IL1RAPL1: variants seen among roughly 807,000 people sequenced by gnomAD.
IL1RAPL1 encodes the protein interleukin 1 receptor accessory protein like 1, also known as interleukin-1 receptor accessory protein-like 1.
IL1RAPL1 carries 3 observed loss-of-function variants against 48.4 expected under a neutral mutation model. That is an observed-to-expected ratio of 0.06 (90% CI 0.03 to 0.16). The LOEUF is 0.16. IL1RAPL1 is among the 10% of genes least tolerant of loss of function. IL1RAPL1 has a pLI of 1.00. For missense variants in IL1RAPL1, 349 were observed against 530.6 expected (o/e 0.66, Z 3.36); for synonymous variants, 185 against 187.7 (o/e 0.99, Z 0.12).
At chrX:29,886,050 G>C (rs937529187) in intron 6 of IL1RAPL1, among the ~76,000 whole-genome samples, 3 of 111,880 alleles carry the variant, frequency 2.7e-5, no homozygotes, top group African/African-American at 6.5e-5. Context: ...TTTTAGAGAA[G>C]TAATAGTTCC....
At chrX:29,285,524 CAAAAAAAAAAAAAA>C (rs778913919) in intron 3 of IL1RAPL1, among the ~76,000 whole-genome samples, 31 of 11,568 alleles carry the variant, frequency 2.7e-3, no homozygotes, top group Non-Finnish European at 3.6e-3. Flanking sequence ...AACTCCGTCT[CAAAAAAAAAAAAAA>C]AAAAAAAAAA....
At chrX:29,545,879 GT>G (rs1462945729) in intron 5 of IL1RAPL1, among the ~76,000 whole-genome samples, 1 of 111,899 alleles carries the variant, frequency 8.9e-6, no homozygotes, top group Non-Finnish European at 1.9e-5. Flanking sequence ...CTATCTTAAT[GT>G]TACTTACAGG....
rs754086386 is a variant in IL1RAPL1 at position 28,937,098 on chromosome X, T to C, written c.82+147673T>C. 7.2e-5 allele frequency among the ~76,000 whole-genome samples: 8 copies of C among 111,567 alleles called. No homozygotes were observed. In the East Asian group the frequency reaches 2.3e-3, roughly 32 times the overall value. Reference sequence around the variant, plus strand: ...ATATTGAAGATTGCCAGTTTACCTTTTTATTCATTTATTGTCATGTCACTT... The same window carrying C: ...ATATTGAAGATTGCCAGTTTACCTTCTTATTCATTTATTGTCATGTCACTT... On this transcript the variant is annotated intron_variant, in intron 2 of 10. Coordinates refer to ENST00000378993, the MANE Select transcript of IL1RAPL1 (RefSeq NM_014271.4).
At chrX:29,628,766 C>A (rs1448597492) in intron 5 of IL1RAPL1, among the ~76,000 whole-genome samples, 3 of 111,552 alleles carry the variant, frequency 2.7e-5, no homozygotes, top group Non-Finnish European at 5.7e-5. Context: ...TTATCAAGTC[C>A]GAAGAAGGAA....
chrX:28,836,768 T>TCAC (rs953416618), intron 2 of IL1RAPL1, among the ~76,000 whole-genome samples: 14 of 109,809 alleles, frequency 1.3e-4, no homozygotes, highest in Admixed American at 2.0e-4. Flanking sequence ...GTCATCATCA[T>TCAC]CACCACCACC....
chrX:29,022,325 T>C (rs750032368), intron 2 of IL1RAPL1, among the ~76,000 whole-genome samples: 7 of 111,837 alleles, frequency 6.3e-5, no homozygotes, highest in Admixed American at 1.9e-4. Flanking sequence ...CACTTTTGCC[T>C]GGATACATTT....
intron 5 of IL1RAPL1, among the ~76,000 whole-genome samples, chrX:29,550,440 A>C (rs974095491): frequency 4.5e-5 from 5 of 111,474 alleles, no homozygotes; most frequent in Non-Finnish European, 9.4e-5. Flanking sequence ...CGGCCTCCCA[A>C]AGTGCTAGGA....
intron 5 of IL1RAPL1, among the ~76,000 whole-genome samples, chrX:29,532,959 G>T (rs974529879): frequency 8.9e-6 from 1 of 111,990 alleles, no homozygotes; most frequent in Non-Finnish European, 1.9e-5. Context: ...AAGCCACTCT[G>T]TTGAACATCT....
At chrX:29,456,697 A>G (rs1934742928) in intron 5 of IL1RAPL1, among the ~76,000 whole-genome samples, 1 of 111,650 alleles carries the variant, frequency 9.0e-6, no homozygotes, top group Non-Finnish European at 1.9e-5. Flanking sequence ...AATACCACCC[A>G]CTTTTTATTG....
chrX:29,659,719 G>A (rs1343917225), intron 5 of IL1RAPL1, among the ~76,000 whole-genome samples: 2 of 111,444 alleles, frequency 1.8e-5, no homozygotes, highest in Admixed American at 1.9e-4. Context: ...CCGCCTTCCG[G>A]GTTCAAGCGA....
rs750628803 is a variant in IL1RAPL1, at chrX:29,543,113, G to A, written c.704-125317G>A. Among the ~76,000 whole-genome samples, 11 of 62,511 alleles carry A rather than the reference G, an allele frequency of 1.8e-4. No individual in the cohort carries two copies. The South Asian group carries it at 0.01, about 58-fold the overall frequency. The allele number at this position is 62,511 out of a possible 115,157, so 54.3% of individuals were successfully genotyped here. On this transcript the variant is annotated intron_variant, in intron 5 of 10. Transcript: ENST00000378993. ...TTTGTTTGACCATAGCAATCTGTTCGTTTCTCTCTCTCTCTCTCTCTCTCT... is the reference window on the plus strand; with the variant it reads ...TTTGTTTGACCATAGCAATCTGTTCATTTCTCTCTCTCTCTCTCTCTCTCT...
intron 5 of IL1RAPL1, among the ~76,000 whole-genome samples, chrX:29,480,586 T>C (rs1395771327): frequency 9.0e-6 from 1 of 110,806 alleles, no homozygotes; most frequent in Non-Finnish European, 1.9e-5. Context: ...AATGAAAGTT[T>C]CAAACTTTTC....
chrX:29,898,726 A>AAT (rs1932437369), intron 6 of IL1RAPL1, among the ~76,000 whole-genome samples: 1 of 112,338 alleles, frequency 8.9e-6, no homozygotes, highest in African/African-American at 3.2e-5. Flanking sequence ...TATGCAATGA[A>AAT]ATATATAAAG....
chrX:28,975,172 C>T (rs1464937451), intron 2 of IL1RAPL1, among the ~76,000 whole-genome samples: 5 of 111,887 alleles, frequency 4.5e-5, no homozygotes, highest in African/African-American at 9.8e-5. Context: ...CCATATGATT[C>T]AGCTGTATAG....
At chrX:28,615,199 GTTTTTTTT>G (rs778402885) in intron 1 of IL1RAPL1, among the ~76,000 whole-genome samples, 2,260 of 25,294 alleles carry the variant, frequency 0.089, 16 homozygotes, top group African/African-American at 0.12. Context: ...ACTGTTGTCT[GTTTTTTTT>G]TTTTTTTTTT....
rs1569173583 is a variant in IL1RAPL1, at chrX:29,803,085, GTATATGTATACATGTATACATATATGTA to G, written c.779-114371_779-114344del. On this transcript the variant is annotated intron_variant, in intron 6 of 10. Coordinates refer to ENST00000378993, the MANE Select transcript of IL1RAPL1 (RefSeq NM_014271.4). ...TATGTATGCATGTATACATATATGT[GTATATGTATACATGTATACATATATGTA>G]TATATGTGTATACATGTATGCATAT... Among the ~76,000 whole-genome samples the G allele has an allele frequency of 4.9e-5, 4 of 81,281 alleles. 1 individual carries two copies. The highest frequency in any genetic ancestry group is 1.0e-4 in the African/African-American group (2 of 19,245). 70.6% of individuals were successfully genotyped at this position (81,281 alleles called of 115,157 possible).
intron 2 of IL1RAPL1, among the ~76,000 whole-genome samples, chrX:29,241,396 G>A (rs1253695567): frequency 9.0e-6 from 1 of 111,392 alleles, no homozygotes; most frequent in Non-Finnish European, 1.9e-5. Flanking sequence ...ATAGCTTTTT[G>A]CCTCATTTCT....
intron 2 of IL1RAPL1, among the ~76,000 whole-genome samples, chrX:29,251,845 T>A (rs1260528951): frequency 9.0e-6 from 1 of 111,161 alleles, no homozygotes; most frequent in East Asian, 2.8e-4. Context: ...TTAAACAACA[T>A]GTATACGATA....
chrX:28,717,939 C>G (rs1215961417), intron 1 of IL1RAPL1, among the ~76,000 whole-genome samples: 1 of 111,514 alleles, frequency 9.0e-6, no homozygotes, highest in Non-Finnish European at 1.9e-5. Flanking sequence ...GGCTGATCTT[C>G]TCTGAAAATG....
Sources: allele counts gnomAD v4.1 joint callset (sites outside exome capture counted in the v4.1 genomes callset), GRCh38; gene constraint gnomAD v4.1.1; transcripts MANE v1.5; gene names NCBI Gene and HGNC (gene_info 2026-07-23, HGNC 2026-07-21).